POU2F1: variants seen among roughly 807,000 people sequenced by gnomAD.
POU2F1 encodes the protein POU domain, class 2, transcription factor 1.
In POU2F1, 16 loss-of-function variants were observed where a neutral mutation model predicts 84.9. That is an observed-to-expected ratio of 0.19 (90% CI 0.13 to 0.29). The LOEUF (loss-of-function observed/expected upper bound fraction) is 0.29, where lower values mean the gene tolerates loss of function less well. Ranked by LOEUF, POU2F1 falls within the 10% of genes least tolerant of loss-of-function variation. The probability of loss-of-function intolerance (pLI) is 1.00; values close to 1 mark genes in which losing one functional copy is unlikely to be tolerated. For missense variants in POU2F1, 738 were observed against 942.6 expected, an observed-to-expected ratio of 0.78 and a Z score of 2.84; for synonymous variants, 368 against 368.3, an observed-to-expected ratio of 1.00 and a Z score of 0.01.
chr1:167,289,098 T>G (rs924933276), intron 1 of POU2F1, among the ~76,000 whole-genome samples: 1 of 152,330 alleles, frequency 6.6e-6, no homozygotes, highest in Admixed American at 6.5e-5. Flanking sequence ...GGAGTATACT[T>G]GTAGTAGCAT....
At chr1:167,353,002 C>A (rs1291514377) in intron 2 of POU2F1, among the ~76,000 whole-genome samples, 3 of 152,190 alleles carry the variant, frequency 2.0e-5, no homozygotes, top group African/African-American at 7.2e-5. Flanking sequence ...ATGAACTGTT[C>A]ATGAAGGGAA....
intron 1 of POU2F1, among the ~76,000 whole-genome samples, chr1:167,273,033 A>G (rs1652480808): frequency 6.6e-6 from 1 of 152,196 alleles, no homozygotes; most frequent in South Asian, 2.1e-4. Context: ...CACCCATTCC[A>G]AAAGGGAGAA....
At chr1:167,288,669 A>C (rs557852754) in intron 1 of POU2F1, among the ~76,000 whole-genome samples, 7 of 152,222 alleles carry the variant, frequency 4.6e-5, no homozygotes, top group Non-Finnish European at 1.0e-4. Flanking sequence ...CCTGGGTGAC[A>C]GAATGAGACC....
chr1:167,292,928 A>G (rs1654026121), intron 1 of POU2F1, among the ~76,000 whole-genome samples: 1 of 152,234 alleles, frequency 6.6e-6, no homozygotes, highest in Non-Finnish European at 1.5e-5. Context: ...CAATAGACAA[A>G]GAAAAAGCAT....
chr1:167,359,296 C>A (rs551607526), intron 2 of POU2F1, among the ~76,000 whole-genome samples: 84 of 152,168 alleles, frequency 5.5e-4, no homozygotes, highest in African/African-American at 2.0e-3. Flanking sequence ...ATGATTCTGT[C>A]ACCCAAGTAG....
At chr1:167,380,856 C>T (rs1409115789) in intron 7 of POU2F1, 1 of 152,102 alleles carries the variant, frequency 6.6e-6, no homozygotes, top group South Asian at 2.1e-4. Flanking sequence ...TAATTTCTAG[C>T]AAGGGAAATT....
intron 1 of POU2F1, among the ~76,000 whole-genome samples, chr1:167,296,242 C>G (rs1319139554): frequency 1.3e-5 from 2 of 152,096 alleles, no homozygotes; most frequent in East Asian, 1.9e-4. Context: ...TCTAAGCAAC[C>G]TGAGCTTAGT....
intron 1 of POU2F1, among the ~76,000 whole-genome samples, chr1:167,317,566 C>CT (rs1172626724): frequency 2.6e-5 from 4 of 152,308 alleles, no homozygotes; most frequent in Non-Finnish European, 1.5e-5. Context: ...TATAGATTAA[C>CT]TAAAACAGGA....
At chr1:167,274,879 T>G (rs1246589220) in intron 1 of POU2F1, among the ~76,000 whole-genome samples, 1 of 152,166 alleles carries the variant, frequency 6.6e-6, no homozygotes, top group Admixed American at 6.5e-5. Context: ...CCTCTCATTT[T>G]CCTTTACAGC....
intron 1 of POU2F1, among the ~76,000 whole-genome samples, chr1:167,305,521 T>G (rs1479443182): frequency 6.6e-6 from 1 of 152,164 alleles, no homozygotes; most frequent in Non-Finnish European, 1.5e-5. Context: ...TTAAAATACC[T>G]CTTTTAATAG....
intron 2 of POU2F1, among the ~76,000 whole-genome samples, chr1:167,359,023 T>C (rs35021692): frequency 0.015 from 2,211 of 152,028 alleles, 22 homozygotes; most frequent in South Asian, 0.026. Context: ...TTTAATGGTA[T>C]TCATTATTGG....
Position 167,370,154 on chromosome 1 carries a change from C to T in POU2F1, c.229-7C>T, listed in dbSNP as rs778352677. On this transcript the variant is annotated splice_region_variant and splice_polypyrimidine_tract_variant and intron_variant, in intron 3 of 15. Coordinates refer to ENST00000367866, the MANE Select transcript of POU2F1 (RefSeq NM_002697.4). The stretch of plus-strand genomic sequence containing the variant: ...ATTAAACTAGAACTTCCCCTGATTA[C>T]TTATAGGTCCAACTCGCTGGAACAA... 1.1e-5 allele frequency: 17 copies of T among 1,602,866 alleles called. No homozygotes were observed. Among genetic ancestry groups the T allele is most frequent in the Non-Finnish European group, 2.6e-6 (3 of 1,172,408 alleles).
intron 1 of POU2F1, among the ~76,000 whole-genome samples, chr1:167,237,175 G>A (rs947638722): frequency 6.6e-6 from 1 of 152,202 alleles, no homozygotes; most frequent in African/African-American, 2.4e-5. Context: ...TGACAGCATT[G>A]TAAAGTCTGT....
chr1:167,334,509 C>T (rs932384723), intron 2 of POU2F1, among the ~76,000 whole-genome samples: 2 of 152,090 alleles, frequency 1.3e-5, no homozygotes, highest in African/African-American at 4.8e-5. Flanking sequence ...ATTCGCAGCC[C>T]ACATGTAAGT....
intron 1 of POU2F1, among the ~76,000 whole-genome samples, chr1:167,294,359 A>G (rs1245555258): frequency 6.6e-6 from 1 of 151,884 alleles, no homozygotes; most frequent in Non-Finnish European, 1.5e-5. Context: ...AAAAATAATA[A>G]TAAAAAAAGA....
At chr1:167,381,962 T>G (rs555221990) in intron 7 of POU2F1, among the ~76,000 whole-genome samples, 32 of 130,026 alleles carry the variant, frequency 2.5e-4, no homozygotes, top group African/African-American at 8.6e-4. Flanking sequence ...TCAAAACAAT[T>G]TTATTTAATT....
At position 167,315,823 on chromosome 1, in the gene POU2F1, C is replaced by G. The variant is rs557791132; in HGVS notation, c.62-16647C>G. Among the ~76,000 whole-genome samples the G allele has an allele frequency of 1.9e-4, 28 of 151,174 alleles. 1 individual carries two copies. The highest frequency in any genetic ancestry group is 5.9e-4 in the Admixed American group (9 of 15,160). Reference sequence around the variant, plus strand: ...CATCTCTTTAAAAAAAAAAAAAACCCTGAAATTAAAAAACAAGCAAACTGT... The same window carrying G: ...CATCTCTTTAAAAAAAAAAAAAACCGTGAAATTAAAAAACAAGCAAACTGT... On this transcript the variant is annotated intron_variant, in intron 1 of 15. Coordinates refer to ENST00000367866, the MANE Select transcript of POU2F1 (RefSeq NM_002697.4).
intron 3 of POU2F1, among the ~76,000 whole-genome samples, chr1:167,367,642 A>G (rs1287131626): frequency 2.0e-5 from 3 of 152,208 alleles, no homozygotes; most frequent in African/African-American, 4.8e-5. Context: ...ACAATAGAAC[A>G]GTGTTCATCT....
chr1:167,299,695 G>GTTTTTTTTTTTTT (rs571000920), intron 1 of POU2F1, among the ~76,000 whole-genome samples: 2,105 of 138,248 alleles, frequency 0.015, 83 homozygotes, highest in African/African-American at 0.056. Context: ...GGAGACCAGA[G>GTTTTTTTTTTTTT]TTTTTTTTTT....
Sources: allele counts gnomAD v4.1 joint callset (sites outside exome capture counted in the v4.1 genomes callset), GRCh38; gene constraint gnomAD v4.1.1; transcripts MANE v1.5; gene names NCBI Gene and HGNC (gene_info 2026-07-23, HGNC 2026-07-21).